Variants in PRLR observed in about 807,000 individuals in gnomAD.
The protein encoded by PRLR is prolactin receptor.
A neutral mutation model predicts 40.2 loss-of-function variants in PRLR; 13 were observed. The observed-to-expected ratio is 0.32, with a 90% CI of 0.21 to 0.51. The LOEUF is 0.51. Ranked by LOEUF, PRLR falls within the 20% of genes least tolerant of loss-of-function variation. The pLI is 0.97. For synonymous variants in PRLR, 269 were observed against 278.7 expected, an observed-to-expected ratio of 0.97 and a Z score of 0.35; for missense variants, 656 against 747.3, an observed-to-expected ratio of 0.88 and a Z score of 1.42.
At chr5:35,155,507 T>G (rs921590801) in intron 1 of PRLR, among the ~76,000 whole-genome samples, 1 of 152,142 alleles carries the variant, frequency 6.6e-6, no homozygotes, top group East Asian at 1.9e-4. Flanking sequence ...GAACAATGAA[T>G]AAGGGTATGA....
chr5:35,165,395 A>G (rs955041609), intron 1 of PRLR, among the ~76,000 whole-genome samples: 2 of 152,162 alleles, frequency 1.3e-5, no homozygotes, highest in Non-Finnish European at 1.5e-5. Flanking sequence ...CATTGTACCA[A>G]TAGGCAAGGA....
intron 1 of PRLR, among the ~76,000 whole-genome samples, chr5:35,157,944 GTGT>G (rs1178795015): frequency 6.6e-5 from 10 of 152,252 alleles, no homozygotes; most frequent in Admixed American, 5.9e-4. Context: ...CTTTCTTGCT[GTGT>G]TCTAACCATG....
Position 35,056,845 on chromosome 5 carries a change from G to T in PRLR, c.*8244C>A, listed in dbSNP as rs1037946340. 1.3e-5 allele frequency: 2 copies of T among 152,132 alleles called. No homozygotes were observed. The highest frequency in any genetic ancestry group is 2.9e-5 in the Non-Finnish European group (2 of 68,010). The allele number at this position is 152,132 out of a possible 1,614,324, so 9.4% of individuals were successfully genotyped here. Reference sequence around the variant, plus strand: ...TAGAGCATGATACTCAAGTAAGAAAGAAATTTCTCATTCTTCTGTAAGACA... The same window carrying T: ...TAGAGCATGATACTCAAGTAAGAAATAAATTTCTCATTCTTCTGTAAGACA... On this transcript the variant is annotated 3_prime_UTR_variant, in exon 10 of 10. Transcript: ENST00000618457.
Position 35,086,975 on chromosome 5 carries a change from C to T in PRLR, c.71-635G>A, listed in dbSNP as rs191768715. Among the ~76,000 whole-genome samples the T allele has an allele frequency of 2.9e-3, 437 of 152,084 alleles. 2 individuals carry two copies. Among genetic ancestry groups the T allele is most frequent in the African/African-American group, 9.7e-3 (404 of 41,510 alleles). On this transcript the variant is annotated intron_variant, in intron 3 of 9. Coordinates refer to ENST00000618457, the MANE Select transcript of PRLR (RefSeq NM_000949.7). ...TTCCTCTTTCCCCATCTTCTCCTTT[C>T]CTTCCCCTTTCCCTTCACTTTTTCT...
At chr5:35,132,144 G>A (rs1252794379) in intron 1 of PRLR, among the ~76,000 whole-genome samples, 1 of 152,098 alleles carries the variant, frequency 6.6e-6, no homozygotes, top group Non-Finnish European at 1.5e-5. Context: ...TTTATTCAGG[G>A]GTAATTGATT....
intron 8 of PRLR, chr5:35,049,493 A>G (rs1768403495): frequency 9.3e-6 from 6 of 645,454 alleles, no homozygotes; most frequent in African/African-American, 1.8e-5. Context: ...TAAAAAGAAA[A>G]TAAATTATTC....
chr5:35,110,466 G>C (rs1167546062), intron 2 of PRLR, among the ~76,000 whole-genome samples: 1 of 152,082 alleles, frequency 6.6e-6, no homozygotes, highest in Non-Finnish European at 1.5e-5. Flanking sequence ...AAGCATCTTT[G>C]TATTTGCCCT....
intron 1 of PRLR, among the ~76,000 whole-genome samples, chr5:35,191,281 G>A (rs1453390107): frequency 7.7e-5 from 7 of 91,032 alleles, no homozygotes; most frequent in South Asian, 3.0e-4. Context: ...CGTTTTAGCC[G>A]GGATGGTCTC....
intron 9 of PRLR, among the ~76,000 whole-genome samples, chr5:35,067,617 A>T (rs1354439235): frequency 6.6e-6 from 1 of 152,200 alleles, no homozygotes; most frequent in Non-Finnish European, 1.5e-5. Context: ...AGCCAAACTG[A>T]AACTATTTAT....
chr5:35,048,791 G>A (rs568972464), exon 9 of PRLR: 8 of 208,762 alleles, frequency 3.8e-5, no homozygotes, highest in Non-Finnish European at 5.0e-5. Flanking sequence ...ACCAGGTTGC[G>A]AAGAGTACAT....
chr5:35,051,182 C>T (rs775535734), downstream of PRLR, among the ~76,000 whole-genome samples: 3 of 152,200 alleles, frequency 2.0e-5, no homozygotes, highest in Non-Finnish European at 4.4e-5. Context: ...ATTACCTTAG[C>T]CTTCCCACTA....
chr5:35,129,249 AG>A (rs1023174649), intron 1 of PRLR, among the ~76,000 whole-genome samples: 1 of 152,194 alleles, frequency 6.6e-6, no homozygotes, highest in Non-Finnish European at 1.5e-5. Flanking sequence ...ATTGGCATTT[AG>A]GCATCAAGAG....
At chr5:35,196,315 G>A (rs1775735078) in intron 1 of PRLR, among the ~76,000 whole-genome samples, 1 of 152,120 alleles carries the variant, frequency 6.6e-6, no homozygotes, top group African/African-American at 2.4e-5. Flanking sequence ...AAAAGGACAG[G>A]GAGTGAAGAG....
At chr5:35,052,812 G>T (rs1027622831), downstream of PRLR, among the ~76,000 whole-genome samples, 2 of 152,138 alleles carry the variant, frequency 1.3e-5, no homozygotes, top group African/African-American at 4.8e-5. Flanking sequence ...AGACAGACAG[G>T]CCTTGCTAGG....
At chr5:35,166,567 T>A (rs1254274704) in intron 1 of PRLR, among the ~76,000 whole-genome samples, 1 of 152,174 alleles carries the variant, frequency 6.6e-6, no homozygotes, top group Non-Finnish European at 1.5e-5. Context: ...TTGGACTGAT[T>A]TTGCCAATAT....
At position 35,055,978 on chromosome 5, in the gene PRLR, A is replaced by G. The variant is rs1203193864; in HGVS notation, c.*9111T>C. 2 of 152,208 alleles carry G rather than the reference A, an allele frequency of 1.3e-5. No homozygotes were observed. The highest frequency in any genetic ancestry group is 2.9e-5 in the Non-Finnish European group (2 of 68,030). The allele number at this position is 152,208 out of a possible 1,614,324, so 9.4% of individuals were successfully genotyped here. A position where few individuals can be genotyped will look rare whatever the true frequency, so the allele number is the denominator to read the frequency against. On this transcript the variant is annotated 3_prime_UTR_variant, in exon 10 of 10. Coordinates refer to ENST00000618457, the MANE Select transcript of PRLR (RefSeq NM_000949.7). ...CTCATTTACAAATACAGTAATAAAA[A>G]TTCCTGAGCTCCCTTTTCTTACACC...
chr5:35,051,072 T>A (rs1349553489), downstream of PRLR, among the ~76,000 whole-genome samples: 1 of 152,168 alleles, frequency 6.6e-6, no homozygotes, highest in Non-Finnish European at 1.5e-5. Flanking sequence ...TCAAAGTCCT[T>A]TTGTTTATTT....
intron 5 of PRLR, among the ~76,000 whole-genome samples, chr5:35,076,041 C>T (rs1038020057): frequency 6.6e-6 from 1 of 152,212 alleles, no homozygotes; most frequent in Non-Finnish European, 1.5e-5. Context: ...ATCTGTACGT[C>T]ACCATCATCA....
intron 1 of PRLR, among the ~76,000 whole-genome samples, chr5:35,159,003 G>T (rs1774592249): frequency 6.6e-6 from 1 of 152,152 alleles, no homozygotes; most frequent in African/African-American, 2.4e-5. Context: ...CTCTGTTTGA[G>T]TTAGGTTTCT....
Sources: gnomAD v4.1 joint callset for allele counts (sites outside exome capture counted in the v4.1 genomes callset) on GRCh38, gnomAD v4.1.1 for gene constraint, MANE v1.5 for transcripts, NCBI Gene and HGNC (gene_info 2026-07-23, HGNC 2026-07-21) for gene names.